The following RAD52 variants were observed in gnomAD, a reference collection of about 807,000 sequenced individuals.
RAD52 encodes DNA repair protein RAD52 homolog.
Under a neutral mutation model 55.5 loss-of-function variants are expected in RAD52, and 47 were observed. The observed-to-expected ratio is 0.85, with a 90% CI of 0.67 to 1.08. The LOEUF is 1.08. Ranked by LOEUF, RAD52 falls within the 50% of genes least tolerant of loss-of-function variation. The probability of loss-of-function intolerance (pLI) is 0.00; values close to 1 mark genes in which losing one functional copy is unlikely to be tolerated. For synonymous variants in RAD52, 184 were observed against 198.9 expected (o/e 0.92, Z 0.63); for missense variants, 468 against 522.8 (o/e 0.90, Z 1.02).
intron 1 of RAD52, among the ~76,000 whole-genome samples, chr12:939,053 TG>T (rs1353568906): frequency 4.6e-5 from 1 of 21,814 alleles, no homozygotes; most frequent in Admixed American, 6.3e-4. Context: ...TTCAACTAAT[TG>T]TGTGTGTGTG....
chr12:943,670 G>C (rs1243205352), intron 1 of RAD52, among the ~76,000 whole-genome samples: 2 of 151,848 alleles, frequency 1.3e-5, no homozygotes, highest in African/African-American at 4.8e-5. Context: ...TATTTATCTT[G>C]AATATCAGTC....
At position 931,418 on chromosome 12, in the gene RAD52, C is replaced by G. The variant is rs928692984; in HGVS notation, c.85-97G>C. 5.9e-6 allele frequency: 5 copies of G among 853,070 alleles called. No individual in the cohort carries two copies. The East Asian group carries it at 1.4e-4, about 24-fold the overall frequency. The allele number at this position is 853,070 out of a possible 1,614,324, so 52.8% of individuals were successfully genotyped here. A position where few individuals can be genotyped will look rare whatever the true frequency, so the allele number is the denominator to read the frequency against. ...TGGAGACTTTATACTCTTAAAAAGACCCCCCAGAACCTTTGTTTATGTGGG... is the reference window on the plus strand; with the variant it reads ...TGGAGACTTTATACTCTTAAAAAGAGCCCCCAGAACCTTTGTTTATGTGGG... On this transcript the variant is annotated intron_variant, in intron 2 of 11. Coordinates refer to ENST00000358495, the MANE Select transcript of RAD52 (RefSeq NM_134424.4).
At chr12:972,548 C>T (rs1301432371) in intron 1 of RAD52, among the ~76,000 whole-genome samples, 3 of 151,912 alleles carry the variant, frequency 2.0e-5, no homozygotes, top group Non-Finnish European at 1.5e-5. Context: ...GGGCGGATCA[C>T]GAGGTCAGGA....
At chr12:987,843 C>T (rs1052752414) in intron 1 of RAD52, among the ~76,000 whole-genome samples, 1 of 152,126 alleles carries the variant, frequency 6.6e-6, no homozygotes, top group South Asian at 2.1e-4. Context: ...ATTATAGGCG[C>T]AAGCCACTGC....
chr12:924,386 G>T (rs924906190), intron 7 of RAD52, among the ~76,000 whole-genome samples: 7 of 152,330 alleles, frequency 4.6e-5, no homozygotes, highest in Non-Finnish European at 1.0e-4. Flanking sequence ...CTTCAGCCTG[G>T]GCGACAGAGC....
chr12:985,956 CAG>C (rs1322893821), intron 1 of RAD52, among the ~76,000 whole-genome samples: 1 of 128,342 alleles, frequency 7.8e-6, no homozygotes, highest in Non-Finnish European at 1.6e-5. Flanking sequence ...TTTTTTGAGA[CAG>C]AGTTTCACTC....
intron 1 of RAD52, among the ~76,000 whole-genome samples, chr12:939,085 T>TGTGTGTGTGTGTAG (rs57206780): frequency 0.14 from 19,483 of 144,128 alleles, 1,397 homozygotes; most frequent in Admixed American, 0.2. Context: ...TGTGTGTGTG[T>TGTGTGTGTGTGTAG]AGAGAGAGAG....
chr12:984,534 A>C (rs986735329), intron 1 of RAD52, among the ~76,000 whole-genome samples: 32 of 151,982 alleles, frequency 2.1e-4, no homozygotes, highest in African/African-American at 7.5e-4. Context: ...TAGGTACCTC[A>C]TATGAATGTA....
At chr12:957,550 C>T (rs1286230371) in intron 1 of RAD52, among the ~76,000 whole-genome samples, 1 of 150,840 alleles carries the variant, frequency 6.6e-6, no homozygotes, top group Non-Finnish European at 1.5e-5. Flanking sequence ...GTTTGGGAGG[C>T]CAAGGCGGGT....
intron 1 of RAD52, among the ~76,000 whole-genome samples, chr12:937,890 A>C (rs1480539181): frequency 1.3e-5 from 2 of 152,160 alleles, no homozygotes; most frequent in Non-Finnish European, 2.9e-5. Context: ...GCAGCCCTCA[A>C]ATGGTGCCTG....
At chr12:946,419 A>C (rs1272732436) in intron 1 of RAD52, among the ~76,000 whole-genome samples, 2 of 152,198 alleles carry the variant, frequency 1.3e-5, no homozygotes, top group Admixed American at 1.3e-4. Context: ...TCCCAGGGGA[A>C]ATACAGGGTT....
rs1260505490 is a variant in RAD52 at position 912,933 on chromosome 12, A to G, written c.*458T>C. ...TCCAACCTTTTTCCTGTCGTGATCC[A>G]CAGTGCTTAATGTGGGCAACATTAA... On this transcript the variant is annotated 3_prime_UTR_variant, in exon 12 of 12. Transcript: ENST00000358495. 1 of 200,984 alleles carries G rather than the reference A, an allele frequency of 5.0e-6. No individual in the cohort carries two copies. The highest frequency in any genetic ancestry group is 2.3e-5 in the African/African-American group (1 of 43,560). 12.5% of individuals were successfully genotyped at this position (200,984 alleles called of 1,614,324 possible). A position where few individuals can be genotyped will look rare whatever the true frequency, so the allele number is the denominator to read the frequency against.
chr12:950,613 A>G (rs1454749099), upstream of RAD52, among the ~76,000 whole-genome samples: 1 of 148,548 alleles, frequency 6.7e-6, no homozygotes, highest in East Asian at 2.0e-4. Context: ...GGGTCTTGCT[A>G]TGTTGCCCAG....
intron 1 of RAD52, among the ~76,000 whole-genome samples, chr12:971,234 TG>T (rs1958846267): frequency 6.6e-6 from 1 of 152,330 alleles, no homozygotes; most frequent in East Asian, 1.9e-4. Context: ...ATCAACCTTT[TG>T]TTTTGTTTCA....
Position 914,027 on chromosome 12 carries a change from G to C in RAD52, c.1062C>G (p.Thr354=), listed in dbSNP as rs777119451. The part of the protein sequence containing the change: ...KPSSRADPAQ[T]SDTLALNNQM... ...GGTTGTTCAAGGCTAATGTGTCAGA[G>C]GTCTGGGCTGGGTCTGCTCTAGACG... Residue 354 remains threonine (T), a synonymous_variant, in exon 11 of 12, where the codon ACC becomes ACG. Coordinates refer to ENST00000358495, the MANE Select transcript of RAD52 (RefSeq NM_134424.4). The C allele has an allele frequency of 6.2e-7, 1 of 1,614,082 alleles. No individual in the cohort carries two copies. The highest frequency in any genetic ancestry group is 1.3e-5 in the African/African-American group (1 of 74,916).
chr12:919,135 T>C (rs988511522), intron 7 of RAD52, among the ~76,000 whole-genome samples: 1 of 152,126 alleles, frequency 6.6e-6, no homozygotes, highest in Non-Finnish European at 1.5e-5. Context: ...GGTCTGATTC[T>C]CTATCTGGGA....
At chr12:935,327 A>G (rs79707121) in intron 1 of RAD52, among the ~76,000 whole-genome samples, 10,518 of 151,586 alleles carry the variant, frequency 0.069, 433 homozygotes, top group African/African-American at 0.085. Flanking sequence ...AAGGCTACAG[A>G]GCAAAAAGCC....
At chr12:936,919 C>G (rs1250171785) in intron 1 of RAD52, 2 of 152,260 alleles carry the variant, frequency 1.3e-5, no homozygotes, top group African/African-American at 2.4e-5. Flanking sequence ...CAACTGCCCA[C>G]AGGCACAACC....
intron 1 of RAD52, among the ~76,000 whole-genome samples, chr12:968,957 A>C (rs1451273213): frequency 2.0e-5 from 3 of 152,132 alleles, no homozygotes; most frequent in Non-Finnish European, 4.4e-5. Flanking sequence ...TTTCTGCATC[A>C]ATGGATTCAA....
Sources: gnomAD v4.1 joint callset for allele counts (sites outside exome capture counted in the v4.1 genomes callset) on GRCh38, gnomAD v4.1.1 for gene constraint, MANE v1.5 for transcripts, NCBI Gene and HGNC (gene_info 2026-07-23, HGNC 2026-07-21) for gene names.